The following IL1RAPL2 variants were observed in gnomAD, a reference collection of about 807,000 sequenced individuals.
IL1RAPL2 encodes the protein interleukin 1 receptor accessory protein like 2, also known as X-linked interleukin-1 receptor accessory protein-like 2.
In IL1RAPL2, 3 loss-of-function variants were observed where a neutral mutation model predicts 44.1. The observed-to-expected ratio is 0.07, with a 90% CI of 0.03 to 0.18. The LOEUF (loss-of-function observed/expected upper bound fraction) is 0.18, where lower values mean the gene tolerates loss of function less well. Among genes scored for constraint, IL1RAPL2 ranks in the 10% least tolerant of loss-of-function variants. IL1RAPL2 has a pLI of 1.00. For synonymous variants in IL1RAPL2, 181 were observed against 178.8 expected (o/e 1.01, Z -0.10); for missense variants, 391 against 496.4 (o/e 0.79, Z 2.02).
intron 1 of IL1RAPL2, among the ~76,000 whole-genome samples, chrX:104,589,492 C>G (rs964895843): frequency 4.5e-5 from 5 of 112,278 alleles, no homozygotes; most frequent in Admixed American, 2.8e-4. Context: ...AAATGTTAAT[C>G]TTTGGCAACA....
intron 2 of IL1RAPL2, among the ~76,000 whole-genome samples, chrX:104,897,267 C>A (rs777652188): frequency 8.9e-6 from 1 of 111,878 alleles, no homozygotes; most frequent in South Asian, 3.8e-4. Context: ...CTCCTGGAGC[C>A]TAAAATAGGA....
chrX:104,736,896 T>C (rs1013603817), intron 2 of IL1RAPL2, among the ~76,000 whole-genome samples: 11 of 112,184 alleles, frequency 9.8e-5, no homozygotes, highest in African/African-American at 2.6e-4. Context: ...TGATCATTGA[T>C]GGAGGTGAGG....
chrX:105,270,617 A>AC (rs920315090), intron 5 of IL1RAPL2, among the ~76,000 whole-genome samples: 1 of 112,106 alleles, frequency 8.9e-6, no homozygotes, highest in Non-Finnish European at 1.9e-5. Flanking sequence ...TTCAAATGTT[A>AC]TGCTTGATGT....
chrX:104,948,221 C>G (rs1003704619), intron 2 of IL1RAPL2, among the ~76,000 whole-genome samples: 11 of 107,678 alleles, frequency 1.0e-4, no homozygotes, highest in African/African-American at 3.7e-4. Flanking sequence ...CTCTGTTTGT[C>G]TGTTATTGGT....
At chrX:104,905,153 TG>T (rs1403478271) in intron 2 of IL1RAPL2, among the ~76,000 whole-genome samples, 4 of 112,013 alleles carry the variant, frequency 3.6e-5, no homozygotes, top group African/African-American at 1.3e-4. Context: ...TGGGGTTGTT[TG>T]TTTTTTTCTT....
intron 2 of IL1RAPL2, among the ~76,000 whole-genome samples, chrX:105,014,301 T>G (rs777586902): frequency 1.8e-5 from 2 of 110,041 alleles, no homozygotes; most frequent in Non-Finnish European, 3.8e-5. Flanking sequence ...TGTTCCAAGC[T>G]AAGGTTCTCT....
intron 5 of IL1RAPL2, among the ~76,000 whole-genome samples, chrX:105,268,855 A>G (rs1458137796): frequency 9.0e-6 from 1 of 111,383 alleles, no homozygotes; most frequent in Non-Finnish European, 1.9e-5. Context: ...TAAACATATG[A>G]GGAGATTGAT....
intron 6 of IL1RAPL2, among the ~76,000 whole-genome samples, chrX:105,550,819 C>G (rs1310010867): frequency 1.8e-5 from 2 of 111,125 alleles, no homozygotes; most frequent in Admixed American, 1.9e-4. Flanking sequence ...GTGGTTGTCT[C>G]TATAATGGGA....
At chrX:105,306,052 G>A (rs1332666713) in intron 5 of IL1RAPL2, among the ~76,000 whole-genome samples, 3 of 111,316 alleles carry the variant, frequency 2.7e-5, no homozygotes, top group African/African-American at 9.8e-5. Flanking sequence ...AAGGTTTAAA[G>A]CATGATACAA....
chrX:105,279,275 G>A (rs982722332), intron 5 of IL1RAPL2, among the ~76,000 whole-genome samples: 1 of 111,172 alleles, frequency 9.0e-6, no homozygotes, highest in Non-Finnish European at 1.9e-5. Flanking sequence ...CTGCTTTATA[G>A]ATGTGGAAAT....
intron 1 of IL1RAPL2, among the ~76,000 whole-genome samples, chrX:104,601,333 G>T (rs940418614): frequency 9.2e-6 from 1 of 108,309 alleles, no homozygotes; most frequent in Non-Finnish European, 1.9e-5. Context: ...GTGTCCATGT[G>T]TTTCCATTGT....
chrX:104,682,362 G>A (rs767672396), intron 2 of IL1RAPL2, among the ~76,000 whole-genome samples: 1 of 112,324 alleles, frequency 8.9e-6, no homozygotes, highest in Non-Finnish European at 1.9e-5. Flanking sequence ...GACTAACATA[G>A]GTGACTGCTT....
chrX:104,634,981 T>C (rs57248567), intron 1 of IL1RAPL2, among the ~76,000 whole-genome samples: 18,452 of 111,258 alleles, frequency 0.17, 3,842 homozygotes, highest in African/African-American at 0.58. Context: ...TGGCTGGTAC[T>C]GACTGTTCCT....
intron 5 of IL1RAPL2, among the ~76,000 whole-genome samples, chrX:105,434,211 A>G (rs749467222): frequency 2.7e-5 from 3 of 112,083 alleles, no homozygotes; most frequent in Non-Finnish European, 5.6e-5. Context: ...TAACATTAAA[A>G]AATACTGACA....
chrX:104,620,073 A>G (rs1444688264), intron 1 of IL1RAPL2, among the ~76,000 whole-genome samples: 1 of 111,767 alleles, frequency 8.9e-6, no homozygotes, highest in Non-Finnish European at 1.9e-5. Context: ...GTATGGCTGA[A>G]GAGTAGGAAA....
At chrX:105,531,892 C>A (rs1602453196) in intron 6 of IL1RAPL2, among the ~76,000 whole-genome samples, 1 of 111,616 alleles carries the variant, frequency 9.0e-6, no homozygotes, top group East Asian at 2.8e-4. Flanking sequence ...TTTCTGGGTT[C>A]TCTATTCTGT....
At chrX:105,583,488 G>T (rs1428787895) in intron 6 of IL1RAPL2, among the ~76,000 whole-genome samples, 5 of 111,584 alleles carry the variant, frequency 4.5e-5, no homozygotes, top group African/African-American at 1.3e-4. Context: ...TGGTTTTTCT[G>T]CATAAGCCTT....
At chrX:105,090,124 A>G (rs2032525913) in intron 2 of IL1RAPL2, among the ~76,000 whole-genome samples, 1 of 111,471 alleles carries the variant, frequency 9.0e-6, no homozygotes, top group Non-Finnish European at 1.9e-5. Context: ...ATCCGAGTAC[A>G]TAATATCTAG....
intron 5 of IL1RAPL2, among the ~76,000 whole-genome samples, chrX:105,412,306 GTATATATATATATATATATA>G (rs56979628): frequency 3.2e-5 from 3 of 93,181 alleles, no homozygotes; most frequent in African/African-American, 1.1e-4. Context: ...GAAAAATGTA[GTATATATATATATATATATA>G]TATATATATA....
Sources: gnomAD v4.1 joint callset for allele counts (sites outside exome capture counted in the v4.1 genomes callset) on GRCh38, gnomAD v4.1.1 for gene constraint, MANE v1.5 for transcripts, NCBI Gene and HGNC (gene_info 2026-07-23, HGNC 2026-07-21) for gene names.